The following SDK1 variants were observed in gnomAD, a reference collection of about 807,000 sequenced individuals.
SDK1 encodes the protein protein sidekick-1.
SDK1 carries 157 observed loss-of-function variants against 245.5 expected under a neutral mutation model. The observed-to-expected ratio is 0.64, with a 90% CI of 0.56 to 0.73. SDK1 has a LOEUF of 0.73. Among genes scored for constraint, SDK1 ranks in the 30% least tolerant of loss-of-function variants. The pLI is 0.00. For missense variants in SDK1, 3,583 were observed against 3,002.3 expected (o/e 1.19, Z -4.52); for synonymous variants, 1,647 against 1,278.5 (o/e 1.29, Z -6.15).
At chr7:4,010,317 A>T (rs1207249107) in intron 14 of SDK1, among the ~76,000 whole-genome samples, 3 of 152,172 alleles carry the variant, frequency 2.0e-5, no homozygotes, top group Non-Finnish European at 2.9e-5. Flanking sequence ...TCTCCAGCAG[A>T]ACCTTCGGAA....
At chr7:3,732,397 C>G (rs994092382) in intron 4 of SDK1, among the ~76,000 whole-genome samples, 1 of 151,942 alleles carries the variant, frequency 6.6e-6, no homozygotes, top group African/African-American at 2.4e-5. Flanking sequence ...TCTAAAAGTC[C>G]GAGGAAAGAT....
At chr7:4,099,914 C>T (rs1782424486) in intron 22 of SDK1, among the ~76,000 whole-genome samples, 1 of 152,016 alleles carries the variant, frequency 6.6e-6, no homozygotes, top group Non-Finnish European at 1.5e-5. Context: ...CCGGGGCTGA[C>T]CTCGTCCCAC....
chr7:4,103,971 G>T (rs563754467), intron 22 of SDK1, among the ~76,000 whole-genome samples: 1 of 152,278 alleles, frequency 6.6e-6, no homozygotes, highest in South Asian at 2.1e-4. Context: ...AGTGACAGTG[G>T]CTGTGTTCCA....
intron 1 of SDK1, among the ~76,000 whole-genome samples, chr7:3,516,890 C>G (rs1022902988): frequency 5.3e-5 from 8 of 152,080 alleles, no homozygotes; most frequent in South Asian, 4.1e-4. Context: ...TGAAAAAGTG[C>G]TCATTTCAAG....
chr7:4,241,168 T>G (rs1786495056), intron 42 of SDK1, among the ~76,000 whole-genome samples: 1 of 152,232 alleles, frequency 6.6e-6, no homozygotes, highest in Non-Finnish European at 1.5e-5. Flanking sequence ...GTACGTGCAG[T>G]CATGACCACA....
intron 5 of SDK1, among the ~76,000 whole-genome samples, chr7:3,829,492 G>A (rs1411342398): frequency 6.6e-6 from 1 of 152,212 alleles, no homozygotes; most frequent in Non-Finnish European, 1.5e-5. Flanking sequence ...GCTCTAAGAG[G>A]TTAAATTATT....
At chr7:3,755,426 C>T (rs981391371) in intron 4 of SDK1, among the ~76,000 whole-genome samples, 2 of 152,190 alleles carry the variant, frequency 1.3e-5, no homozygotes, top group Non-Finnish European at 1.5e-5. Context: ...TGGCCATTGT[C>T]TGTCTGCATA....
chr7:3,333,882 A>C (rs1376024042), intron 1 of SDK1, among the ~76,000 whole-genome samples: 2 of 152,202 alleles, frequency 1.3e-5, no homozygotes, highest in Admixed American at 1.3e-4. Flanking sequence ...GCCCTGTGGA[A>C]CTGGACTGCC....
At chr7:3,510,655 G>T (rs1036742795) in intron 1 of SDK1, among the ~76,000 whole-genome samples, 4 of 152,114 alleles carry the variant, frequency 2.6e-5, no homozygotes, top group Non-Finnish European at 1.5e-5. Context: ...AAGAAGGGGG[G>T]AGGCTTGGCT....
intron 4 of SDK1, among the ~76,000 whole-genome samples, chr7:3,795,343 C>T (rs921798767): frequency 6.6e-6 from 1 of 152,068 alleles, no homozygotes; most frequent in Non-Finnish European, 1.5e-5. Flanking sequence ...CGAGACTTGG[C>T]TTTCAGTACA....
intron 5 of SDK1, among the ~76,000 whole-genome samples, chr7:3,945,246 C>T (rs1780528796): frequency 1.3e-5 from 2 of 152,142 alleles, no homozygotes; most frequent in African/African-American, 4.8e-5. Flanking sequence ...GAAAAGACAT[C>T]CACACTCTGG....
intron 1 of SDK1, among the ~76,000 whole-genome samples, chr7:3,444,312 C>T (rs1237233804): frequency 6.6e-6 from 1 of 152,110 alleles, no homozygotes; most frequent in East Asian, 1.9e-4. Flanking sequence ...GGATGTCTAC[C>T]AGACATCCCC....
intron 4 of SDK1, among the ~76,000 whole-genome samples, chr7:3,647,217 G>A (rs1361245040): frequency 6.6e-6 from 1 of 152,228 alleles, no homozygotes; most frequent in Non-Finnish European, 1.5e-5. Flanking sequence ...CGCTATAGCA[G>A]TCTAGCCTGG....
chr7:3,453,513 G>C (rs549183157), intron 1 of SDK1, among the ~76,000 whole-genome samples: 1 of 152,304 alleles, frequency 6.6e-6, no homozygotes, highest in South Asian at 2.1e-4. Flanking sequence ...ATGAGAGAGA[G>C]ACACAGAGGG....
At chr7:3,665,212 C>T (rs1483629487) in intron 4 of SDK1, among the ~76,000 whole-genome samples, 1 of 152,156 alleles carries the variant, frequency 6.6e-6, no homozygotes, top group Non-Finnish European at 1.5e-5. Flanking sequence ...CACATGGGGA[C>T]CACCCTGTGC....
At chr7:3,704,412 G>A (rs979150980) in intron 4 of SDK1, among the ~76,000 whole-genome samples, 3 of 151,552 alleles carry the variant, frequency 2.0e-5, no homozygotes, top group Non-Finnish European at 4.4e-5. Flanking sequence ...CAGGAGTAAG[G>A]TGGCATCTCA....
chr7:3,893,399 G>T (rs1781511487), intron 5 of SDK1, among the ~76,000 whole-genome samples: 1 of 152,032 alleles, frequency 6.6e-6, no homozygotes, highest in Non-Finnish European at 1.5e-5. Flanking sequence ...ATGAGCTACT[G>T]ATAATATCAA....
At chr7:3,360,773 C>G (rs545314546) in intron 1 of SDK1, among the ~76,000 whole-genome samples, 1 of 152,160 alleles carries the variant, frequency 6.6e-6, no homozygotes, top group South Asian at 2.1e-4. Context: ...TAGCAGTCCC[C>G]CCTCCCCACA....
Position 3,764,273 on chromosome 7 carries a change from C to CT in SDK1, c.714-57174dup, listed in dbSNP as rs200491986. ...TGATGAGCTGAGGAAAGAATGAATG[C>CT]TTTAAAACTTGATCTAAGGCGGTAT... On this transcript the variant is annotated intron_variant, in intron 4 of 44. Coordinates refer to ENST00000404826, the MANE Select transcript of SDK1 (RefSeq NM_152744.4). Among the ~76,000 whole-genome samples the CT allele has an allele frequency of 3.7e-3, 564 of 152,278 alleles. 1 individual carries two copies. Among genetic ancestry groups the CT allele is most frequent in the African/African-American group, 0.013 (529 of 41,544 alleles).
Sources: allele counts gnomAD v4.1 joint callset (sites outside exome capture counted in the v4.1 genomes callset), GRCh38; gene constraint gnomAD v4.1.1; transcripts MANE v1.5; gene names NCBI Gene and HGNC (gene_info 2026-07-23, HGNC 2026-07-21).